PPARGC1A: variants seen among roughly 807,000 people sequenced by gnomAD.
PPARGC1A encodes peroxisome proliferator-activated receptor gamma coactivator 1-alpha.
PPARGC1A carries 25 observed loss-of-function variants against 88.7 expected under a neutral mutation model. The observed-to-expected ratio is 0.28, with a 90% CI of 0.21 to 0.39. The LOEUF (loss-of-function observed/expected upper bound fraction) is 0.39. Among genes scored for constraint, PPARGC1A ranks in the 10% least tolerant of loss-of-function variants. The pLI is 1.00. For missense variants in PPARGC1A, 880 were observed against 968.7 expected (o/e 0.91, Z 1.22); for synonymous variants, 363 against 355.6 (o/e 1.02, Z -0.24).
chr4:24,295,234 A>G, the PPARGC1A span, among the ~76,000 whole-genome samples: 10 of 152,168 alleles, frequency 6.6e-5, no homozygotes, highest in Non-Finnish European at 1.2e-4. Context: ...AAGGATGGTA[A>G]TAATCTCTTT....
At chr4:24,322,329 T>C in the PPARGC1A span, among the ~76,000 whole-genome samples, 1 of 152,232 alleles carries the variant, frequency 6.6e-6, no homozygotes, top group Non-Finnish European at 1.5e-5. Flanking sequence ...AGAAATGCAT[T>C]TTGAAAACGA....
upstream of PPARGC1A, among the ~76,000 whole-genome samples, chr4:23,891,877 C>A (rs1163226566): frequency 6.6e-6 from 1 of 152,160 alleles, no homozygotes; most frequent in African/African-American, 2.4e-5. Flanking sequence ...TAATTTTCTT[C>A]CCAATTATAT....
chr4:24,228,944 A>AC, the PPARGC1A span, among the ~76,000 whole-genome samples: 2 of 151,564 alleles, frequency 1.3e-5, no homozygotes, highest in Non-Finnish European at 2.9e-5. Flanking sequence ...GCAGGCTCCA[A>AC]CCCCCGGGGT....
the PPARGC1A span, among the ~76,000 whole-genome samples, chr4:24,317,555 T>TAAAAAAAAAAAAAAAAA: frequency 9.5e-4 from 21 of 22,220 alleles, 5 homozygotes; most frequent in South Asian, 2.9e-3. Flanking sequence ...TTCAGAGGAC[T>TAAAAAAAAAAAAAAAAA]AAAAAAAAAA....
the PPARGC1A span, among the ~76,000 whole-genome samples, chr4:24,245,961 T>A: frequency 5.2e-5 from 6 of 115,072 alleles, no homozygotes; most frequent in African/African-American, 1.7e-4. Context: ...ACACACACAC[T>A]TATGCTTGGT....
chr4:23,844,977 G>C (rs1484807168), intron 2 of PPARGC1A, among the ~76,000 whole-genome samples: 2 of 150,034 alleles, frequency 1.3e-5, no homozygotes, highest in African/African-American at 2.5e-5. Context: ...AGGGAAAAGA[G>C]TAAGAGTAAG....
At chr4:24,258,233 T>C in the PPARGC1A span, 1 of 980,936 alleles carries the variant, frequency 1.0e-6, no homozygotes, top group African/African-American at 1.8e-5. Context: ...GGCTCCAATT[T>C]TACCAATATT....
chr4:23,801,820 C>T lies in PPARGC1A; in HGVS notation c.2203G>A (p.Gly735Arg). The change falls in exon 12 of 13, where the codon GGA (glycine) becomes AGA (arginine). Residue 735 changes from glycine to arginine, a missense_variant. Physicochemically the swap from Gly to Arg is moderately radical, Grantham distance 125. Coordinates refer to ENST00000264867, the MANE Select transcript of PPARGC1A (RefSeq NM_013261.5). ...TCDAFAALENGYTLRRSNETD... is the reference protein window; with the variant it reads ...TCDAFAALENRYTLRRSNETD... ...TCGTTTGACCTGCGCAAAGTGTATC[C>T]ATTTTCAAGAGCAGCAAAAGCATCA... The T allele has an allele frequency of 6.2e-7, 1 of 1,613,942 alleles. No homozygotes were observed. The highest frequency in any genetic ancestry group is 8.5e-7 in the Non-Finnish European group (1 of 1,179,958).
At chr4:24,187,445 C>A in the PPARGC1A span, among the ~76,000 whole-genome samples, 1 of 152,184 alleles carries the variant, frequency 6.6e-6, no homozygotes, top group African/African-American at 2.4e-5. Flanking sequence ...TATAAAATTA[C>A]CTAAAAGGAA....
At chr4:24,269,686 C>CACA in the PPARGC1A span, among the ~76,000 whole-genome samples, 58,741 of 150,772 alleles carry the variant, frequency 0.39, 11,973 homozygotes, top group East Asian at 0.57. Context: ...CATCATCACA[C>CACA]AAAAAAACTC....
chr4:24,352,331 G>A, the PPARGC1A span, among the ~76,000 whole-genome samples: 729 of 152,288 alleles, frequency 4.8e-3, 1 homozygote, highest in Non-Finnish European at 8.5e-3. Context: ...CAGAAGCCAG[G>A]TGAGAGTGCA....
chr4:24,451,603 G>A, the PPARGC1A span, among the ~76,000 whole-genome samples: 17 of 152,224 alleles, frequency 1.1e-4, no homozygotes, highest in African/African-American at 4.1e-4. Context: ...TTTTGAGATG[G>A]TGTCTTGCTC....
At chr4:24,041,463 G>A in the PPARGC1A span, among the ~76,000 whole-genome samples, 4 of 149,840 alleles carry the variant, frequency 2.7e-5, no homozygotes, top group South Asian at 4.4e-4. Context: ...CTAGCCCTAG[G>A]GGAGTCATCA....
At chr4:23,883,037 GC>G (rs1319099997) in intron 2 of PPARGC1A, 1 of 152,138 alleles carries the variant, frequency 6.6e-6, no homozygotes, top group African/African-American at 2.4e-5. Flanking sequence ...ATTTTTTAAA[GC>G]ATTGTTTATT....
At chr4:24,396,476 C>T in the PPARGC1A span, among the ~76,000 whole-genome samples, 1 of 152,058 alleles carries the variant, frequency 6.6e-6, no homozygotes, top group Admixed American at 6.5e-5. Flanking sequence ...GGTGACCTCC[C>T]TGGGCAGATC....
the PPARGC1A span, among the ~76,000 whole-genome samples, chr4:23,996,443 C>T: frequency 1.3e-5 from 2 of 152,054 alleles, no homozygotes; most frequent in East Asian, 3.9e-4. Context: ...AACAGAATAC[C>T]CCATGAAGCA....
At chr4:24,136,751 T>C in the PPARGC1A span, among the ~76,000 whole-genome samples, 1 of 152,120 alleles carries the variant, frequency 6.6e-6, no homozygotes, top group Non-Finnish European at 1.5e-5. Flanking sequence ...CTGAAATCCA[T>C]ATGTTGAAGT....
chr4:24,442,226 C>A, the PPARGC1A span, among the ~76,000 whole-genome samples: 5 of 152,142 alleles, frequency 3.3e-5, no homozygotes, highest in Non-Finnish European at 2.9e-5. Flanking sequence ...CTACCTCTTG[C>A]TGTTTCACCT....
chr4:24,125,977 G>A, the PPARGC1A span, among the ~76,000 whole-genome samples: 1 of 152,136 alleles, frequency 6.6e-6, no homozygotes, highest in Non-Finnish European at 1.5e-5. Context: ...CTCCTGGCGG[G>A]CTTTGAAATG....
Sources: gnomAD v4.1 joint callset for allele counts (sites outside exome capture counted in the v4.1 genomes callset) on GRCh38, gnomAD v4.1.1 for gene constraint, MANE v1.5 for transcripts, NCBI Gene and HGNC (gene_info 2026-07-23, HGNC 2026-07-21) for gene names.